Variants in ACOX3 observed in about 807,000 individuals in gnomAD.
ACOX3 encodes peroxisomal acyl-coenzyme A oxidase 3.
Under a neutral mutation model 81.5 loss-of-function variants are expected in ACOX3, and 73 were observed. The ratio of observed to expected loss-of-function variants is 0.90; its 90% CI spans 0.74 to 1.09. The LOEUF is 1.09. ACOX3 is among the 50% of genes least tolerant of loss of function. The pLI is 0.00. For synonymous variants in ACOX3, 387 were observed against 375.1 expected (o/e 1.03, Z -0.37); for missense variants, 947 against 928.0 (o/e 1.02, Z -0.27).
Position 8,410,193 on chromosome 4 carries a change from GGCC to G in ACOX3, c.687+16_687+18del. 1.7e-5 allele frequency: 28 copies of G among 1,608,814 alleles called. No individual in the cohort carries two copies. Among genetic ancestry groups the G allele is most frequent in the Non-Finnish European group, 2.3e-5 (27 of 1,176,510 alleles). ...GGGGGTAAACACTGCCCCCACTGAG[GGCC>G]ACCCCAGCGTCCTACCTGCACGATA... On this transcript the variant is annotated intron_variant, in intron 6 of 17. Transcript: ENST00000356406.
At chr4:8,415,515 T>G (rs995116500) in intron 3 of ACOX3, among the ~76,000 whole-genome samples, 1 of 151,586 alleles carries the variant, frequency 6.6e-6, no homozygotes, top group African/African-American at 2.4e-5. Flanking sequence ...TTCACCACAT[T>G]GTATTTTATT....
chr4:8,409,690 G>A (rs990838939), intron 6 of ACOX3, among the ~76,000 whole-genome samples: 14 of 148,994 alleles, frequency 9.4e-5, no homozygotes, highest in Non-Finnish European at 1.8e-4. Flanking sequence ...GGGCAGAGCT[G>A]TCTGTGTGCT....
chr4:8,395,313 T>TG (rs1311302498), intron 9 of ACOX3, among the ~76,000 whole-genome samples: 1,402 of 130,942 alleles, frequency 0.011, 35 homozygotes, highest in African/African-American at 0.039. Flanking sequence ...GATGTGTGGG[T>TG]GGGTGGATGG....
rs917889928 is a variant in ACOX3 at position 8,394,716 on chromosome 4, T to C, written c.1083A>G (p.Ala361=). ...AGAAATGGTCTAAGGCGTAGACAGC[T>C]GCCAGATATGGAAGCAAGCGCCATT... ...MQQWRLLPYL[A]AVYALDHFSK... is the part of the protein sequence containing the mutation. The change falls in exon 10 of 18, where the codon GCA becomes GCG. Residue 361 remains alanine, a synonymous_variant. Coordinates refer to ENST00000356406, the MANE Select transcript of ACOX3 (RefSeq NM_003501.3). The surrounding 1 kb of genome is among the most constrained non-coding windows in gnomAD (Gnocchi z 5.9). The C allele has an allele frequency of 1.2e-6, 2 of 1,613,542 alleles. No individual in the cohort carries two copies. Among genetic ancestry groups the C allele is most frequent in the African/African-American group, 2.7e-5 (2 of 74,910 alleles).
intron 1 of ACOX3, among the ~76,000 whole-genome samples, chr4:8,418,552 C>A (rs1328203983): frequency 3.3e-5 from 5 of 151,980 alleles, no homozygotes; most frequent in African/African-American, 1.2e-4. Context: ...AGACATTTCT[C>A]CAAAGACAGA....
At chr4:8,411,946 C>T (rs144712928) in intron 5 of ACOX3, among the ~76,000 whole-genome samples, 40 of 152,356 alleles carry the variant, frequency 2.6e-4, no homozygotes, top group East Asian at 7.7e-4. Flanking sequence ...CCCAACTCTA[C>T]GGATCTGATG....
the ACOX3 span, among the ~76,000 whole-genome samples, chr4:8,359,937 T>C: frequency 3.9e-5 from 6 of 152,358 alleles, no homozygotes; most frequent in Admixed American, 3.3e-4. This position sits in a 1 kb window ranked among gnomAD's most constrained non-coding sequence, Gnocchi z 6.0. Flanking sequence ...TGTCTTTCTG[T>C]ATTGCTCTGT....
chr4:8,395,983 G>C (rs2108885362), intron 9 of ACOX3, among the ~76,000 whole-genome samples: 1 of 152,340 alleles, frequency 6.6e-6, no homozygotes, highest in South Asian at 2.1e-4. Context: ...CACCTGTAAA[G>C]TGGGACTAAG....
chr4:8,397,118 T>C lies in ACOX3; in HGVS notation c.875A>G (p.Asp292Gly). 4.5e-6 allele frequency: 7 copies of C among 1,550,152 alleles called. No individual in the cohort carries two copies. The highest frequency in any genetic ancestry group is 6.1e-6 in the Non-Finnish European group (7 of 1,151,656). The stretch of plus-strand genomic sequence containing the variant: ...GGACGCTCCAAAGCGCTGCCTGACG[T>C]CCTACGGGAGGGACACAGATGATAA... ...PEGTYVSPFK[D>G]VRQRFGASLG... The change falls in exon 9 of 18, where the codon GAC becomes GGC. Residue 292 changes from aspartate to glycine, a missense_variant and splice_region_variant. Physicochemically the swap from Asp to Gly is moderately conservative, Grantham distance 94. Transcript: ENST00000356406.
chr4:8,378,195 C>A (rs1348015780), intron 14 of ACOX3, among the ~76,000 whole-genome samples: 4 of 152,202 alleles, frequency 2.6e-5, no homozygotes, highest in African/African-American at 9.6e-5. Context: ...AAAAAACAAA[C>A]CCCAAACTGT....
chr4:8,401,270 G>T (rs1720340603), intron 7 of ACOX3, among the ~76,000 whole-genome samples: 1 of 152,148 alleles, frequency 6.6e-6, no homozygotes, highest in Non-Finnish European at 1.5e-5. Flanking sequence ...AGTACCACGG[G>T]GTTGGGGACC....
chr4:8,377,224 C>T (rs1717081854), intron 14 of ACOX3, among the ~76,000 whole-genome samples: 1 of 152,192 alleles, frequency 6.6e-6, no homozygotes, highest in Non-Finnish European at 1.5e-5. Context: ...AGAGGCCGTC[C>T]TTGAACCGAA....
At chr4:8,358,294 A>T in the ACOX3 span, 1 of 152,308 alleles carries the variant, frequency 6.6e-6, no homozygotes, top group South Asian at 2.1e-4. Context: ...AGACATGCAC[A>T]TCTATTCTCT....
chr4:8,426,421 C>A (rs954170128), intron 1 of ACOX3, among the ~76,000 whole-genome samples: 4 of 152,084 alleles, frequency 2.6e-5, no homozygotes, highest in African/African-American at 9.7e-5. Flanking sequence ...GCTAGCTATT[C>A]CTGTGAACCT....
intron 6 of ACOX3, 61 bp downstream of exon 6, chr4:8,410,151 C>T: frequency 4.5e-6 from 7 of 1,566,390 alleles, no homozygotes; most frequent in Middle Eastern, 4.1e-4. Context: ...TGACTCCAGA[C>T]ATTACCAGTG....
chr4:8,424,681 C>A (rs1010459662), intron 1 of ACOX3, among the ~76,000 whole-genome samples: 3 of 152,218 alleles, frequency 2.0e-5, no homozygotes, highest in African/African-American at 7.2e-5. Context: ...GCCAGTGCTG[C>A]GACTGCGCAC....
chr4:8,360,609 C>G, the ACOX3 span, among the ~76,000 whole-genome samples: 1 of 151,820 alleles, frequency 6.6e-6, no homozygotes, highest in East Asian at 1.9e-4. Flanking sequence ...GTAGGTGGGA[C>G]TACAGGCACC....
Position 8,407,815 on chromosome 4 carries a change from A to T in ACOX3, c.688-1772T>A, listed in dbSNP as rs772680052. 1.3e-5 allele frequency among the ~76,000 whole-genome samples: 2 copies of T among 152,196 alleles called. No individual in the cohort carries two copies. Among genetic ancestry groups the T allele is most frequent in the Non-Finnish European group, 2.9e-5 (2 of 68,034 alleles). ...ACTCGACGGAAGGACGTGGAGCTTC[A>T]TCCTTGGGCACTGTTACAGCAGGGA... On this transcript the variant is annotated intron_variant, in intron 6 of 17. Coordinates refer to ENST00000356406, the MANE Select transcript of ACOX3 (RefSeq NM_003501.3). This position sits in a 1 kb window ranked among gnomAD's most constrained non-coding sequence, Gnocchi z 4.6.
chr4:8,434,265 C>T (rs1262593331), intron 1 of ACOX3, among the ~76,000 whole-genome samples: 1 of 152,216 alleles, frequency 6.6e-6, no homozygotes, highest in Non-Finnish European at 1.5e-5. Flanking sequence ...CCAAGAATTT[C>T]TTTTTCGGGG....
Sources: gnomAD v4.1 joint callset for allele counts (sites outside exome capture counted in the v4.1 genomes callset) on GRCh38, gnomAD v4.1.1 for gene constraint, Gnocchi (gnomAD v3.1) non-coding constraint, MANE v1.5 for transcripts, NCBI Gene and HGNC (gene_info 2026-07-23, HGNC 2026-07-21) for gene names.